The following TRHDE variants were observed in gnomAD, a reference collection of about 807,000 sequenced individuals.
TRHDE encodes the protein thyrotropin releasing hormone degrading enzyme.
TRHDE carries 72 observed loss-of-function variants against 125.7 expected under a neutral mutation model. The observed-to-expected ratio is 0.57, with a 90% CI of 0.47 to 0.70. TRHDE has a LOEUF of 0.70. Ranked by LOEUF, TRHDE falls within the 30% of genes least tolerant of loss-of-function variation. The pLI, the probability that TRHDE is intolerant of heterozygous loss-of-function variation, is 0.00. For missense variants in TRHDE, 1,110 were observed against 1,327.1 expected, an observed-to-expected ratio of 0.84 and a Z score of 2.54; for synonymous variants, 509 against 509.1, an observed-to-expected ratio of 1.00 and a Z score of 0.00.
intron 2 of TRHDE, among the ~76,000 whole-genome samples, chr12:72,160,453 G>A (rs986983078): frequency 6.6e-6 from 1 of 152,144 alleles, no homozygotes; most frequent in African/African-American, 2.4e-5. Flanking sequence ...GGGAGGCCAA[G>A]GCGCGTGGAT....
In TRHDE at chr12:72,658,707, C is replaced by T. The variant is rs139991811; in HGVS notation, c.3066+1699C>T. Among the ~76,000 whole-genome samples, 879 of 152,200 alleles carry T rather than the reference C, an allele frequency of 5.8e-3. 3 individuals carry two copies. Among genetic ancestry groups the T allele is most frequent in the Non-Finnish European group, 9.1e-3 (621 of 68,024 alleles). On this transcript the variant is annotated intron_variant, in intron 18 of 18. Transcript: ENST00000261180. ...GCCATTTTAGATGTTTCAAAGTGCT[C>T]CTATAATGAAGGGTATAATTTCAAA...
At chr12:72,464,069 A>G (rs1337901964) in intron 3 of TRHDE, among the ~76,000 whole-genome samples, 1 of 152,202 alleles carries the variant, frequency 6.6e-6, no homozygotes, top group Non-Finnish European at 1.5e-5. Context: ...AGTATGTACT[A>G]TTAAGCCAGA....
chr12:72,378,174 C>G (rs1871982940), intron 3 of TRHDE, 53 bp downstream of exon 3: 1 of 1,487,124 alleles, frequency 6.7e-7, no homozygotes, highest in Non-Finnish European at 9.0e-7. Context: ...AGTGGAATTT[C>G]TTCTTCATGT....
Position 72,652,489 on chromosome 12 carries a change from G to A in TRHDE, c.2843G>A (p.Arg948Lys). 1 of 1,596,702 alleles carries A rather than the reference G, an allele frequency of 6.3e-7. No individual in the cohort carries two copies. The highest frequency in any genetic ancestry group is 8.5e-7 in the Non-Finnish European group (1 of 1,171,322). ...AGTGATGACAGGAATTTATTAAACA[G>A]GTAGGCCGACTGATTTTCTAAATGT... ...TCSDDRNLLN[R>K]LLNLSLNSEV... Residue 948 changes from arginine to lysine, a missense_variant and splice_region_variant, in exon 16 of 19, where the codon AGG becomes AAG. Arg to Lys is a conservative substitution (Grantham distance 26). Around this residue, in one of 5 missense-constraint regions of TRHDE, gnomAD observed 527 missense variants for 651.8 expected, o/e 0.81. Coordinates refer to ENST00000261180, the MANE Select transcript of TRHDE (RefSeq NM_013381.3).
rs566832489 is a variant in TRHDE, at chr12:72,576,629, T to C, written c.2321+1087T>C. 3.9e-5 allele frequency among the ~76,000 whole-genome samples: 6 copies of C among 151,994 alleles called. No homozygotes were observed. The East Asian group carries it at 1.2e-3, about 29-fold the overall frequency. ...GGGGACAACATAAATATATAGAGGG[T>C]AAAGGAAAAAATTTCAGGTGCTTTT... On this transcript the variant is annotated intron_variant, in intron 12 of 18. Coordinates refer to ENST00000261180, the MANE Select transcript of TRHDE (RefSeq NM_013381.3).
chr12:72,319,600 C>T (rs1868980907), intron 2 of TRHDE, among the ~76,000 whole-genome samples: 1 of 152,092 alleles, frequency 6.6e-6, no homozygotes, highest in African/African-American at 2.4e-5. Context: ...CTATCATCAC[C>T]TATCTGTTTT....
chr12:72,473,674 C>T (rs191493298), intron 5 of TRHDE, among the ~76,000 whole-genome samples: 1 of 151,888 alleles, frequency 6.6e-6, no homozygotes, highest in African/African-American at 2.4e-5. Flanking sequence ...TCATATTATA[C>T]CTATACTTTA....
intron 6 of TRHDE, among the ~76,000 whole-genome samples, chr12:72,506,025 A>T (rs1309767245): frequency 6.6e-6 from 1 of 152,200 alleles, no homozygotes; most frequent in African/African-American, 2.4e-5. Flanking sequence ...CCAGCCGGGC[A>T]TGATGGCTCA....
intron 2 of TRHDE, among the ~76,000 whole-genome samples, chr12:72,187,961 G>C (rs1565658385): frequency 6.6e-6 from 1 of 152,154 alleles, no homozygotes; most frequent in Non-Finnish European, 1.5e-5. Flanking sequence ...AACCAAGGAA[G>C]TAATATGAAA....
intron 7 of TRHDE, among the ~76,000 whole-genome samples, chr12:72,550,181 T>C (rs1869609263): frequency 1.3e-5 from 2 of 151,894 alleles, no homozygotes; most frequent in Admixed American, 6.6e-5. Flanking sequence ...GATGTATCTG[T>C]ATGTTAGTAT....
At chr12:72,557,776 T>C (rs1243364985) in intron 7 of TRHDE, among the ~76,000 whole-genome samples, 1 of 152,166 alleles carries the variant, frequency 6.6e-6, no homozygotes, top group Non-Finnish European at 1.5e-5. Flanking sequence ...TTGGTGACAT[T>C]ATATGCAATC....
In TRHDE at chr12:72,652,303, C is replaced by T. The variant is rs1592597465; in HGVS notation, c.2676-19C>T. On this transcript the variant is annotated intron_variant, in intron 15 of 18. Coordinates refer to ENST00000261180, the MANE Select transcript of TRHDE (RefSeq NM_013381.3). Reference sequence around the variant, plus strand: ...TAAGCTTTTAATTAACAGAAAACCACCATGGGTTGCTTCTTTAGAATACCA... The same window carrying T: ...TAAGCTTTTAATTAACAGAAAACCATCATGGGTTGCTTCTTTAGAATACCA... The T allele has an allele frequency of 1.4e-6, 2 of 1,407,022 alleles. No homozygotes were observed. Among genetic ancestry groups the T allele is most frequent in the Middle Eastern group, 1.9e-4 (1 of 5,286 alleles). 87.2% of individuals were successfully genotyped at this position (1,407,022 alleles called of 1,614,324 possible).
chr12:72,636,185 G>A (rs1293092910), intron 15 of TRHDE, among the ~76,000 whole-genome samples: 1 of 152,092 alleles, frequency 6.6e-6, no homozygotes, highest in African/African-American at 2.4e-5. Flanking sequence ...TCATTGAGCA[G>A]TGGTTTGTAG....
At chr12:72,167,920 A>G (rs1335915759) in intron 2 of TRHDE, among the ~76,000 whole-genome samples, 1 of 152,226 alleles carries the variant, frequency 6.6e-6, no homozygotes, top group Non-Finnish European at 1.5e-5. Context: ...CAAAAATTTA[A>G]CTGGAAGACG....
chr12:72,202,396 A>G (rs1423455372), intron 2 of TRHDE, among the ~76,000 whole-genome samples: 1 of 152,214 alleles, frequency 6.6e-6, no homozygotes, highest in Non-Finnish European at 1.5e-5. Context: ...CCTGGTATGT[A>G]CACTCTCAAA....
intron 6 of TRHDE, among the ~76,000 whole-genome samples, chr12:72,521,832 T>G (rs940432193): frequency 6.6e-6 from 1 of 152,212 alleles, no homozygotes; most frequent in Non-Finnish European, 1.5e-5. Flanking sequence ...CCGTTGAAAC[T>G]ATTTCAGTAG....
chr12:72,620,993 A>G, intron 13 of TRHDE, 115 bp from the exon 14 acceptor site: 1 of 531,830 alleles, frequency 1.9e-6, no homozygotes, highest in East Asian at 3.1e-5. Context: ...AATTTTATGG[A>G]TATTTGAAAG....
At chr12:72,167,468 G>C (rs1174647319) in intron 2 of TRHDE, 1 of 152,024 alleles carries the variant, frequency 6.6e-6, no homozygotes, top group Admixed American at 6.5e-5. Flanking sequence ...TAACATCTGA[G>C]GACTACTAAA....
chr12:72,269,280 G>A (rs1879139852), upstream of TRHDE, among the ~76,000 whole-genome samples: 1 of 152,030 alleles, frequency 6.6e-6, no homozygotes, highest in African/African-American at 2.4e-5. Context: ...GATATGAAAG[G>A]AAGAAATATT....
Sources: gnomAD v4.1 joint callset for allele counts (sites outside exome capture counted in the v4.1 genomes callset) on GRCh38, gnomAD v4.1.1 for gene constraint, gnomAD v4.1.1 regional missense constraint, MANE v1.5 for transcripts, NCBI Gene and HGNC (gene_info 2026-07-23, HGNC 2026-07-21) for gene names.